ABCA13: variants seen among roughly 807,000 people sequenced by gnomAD.
ABCA13 encodes the protein ATP-binding cassette sub-family A member 13.
Under a neutral mutation model 478.7 loss-of-function variants are expected in ABCA13, and 476 were observed. The observed-to-expected ratio is 0.99, with a 90% CI of 0.92 to 1.07. The LOEUF (loss-of-function observed/expected upper bound fraction) is 1.07, where lower values mean the gene tolerates loss of function less well. Ranked by LOEUF, ABCA13 falls within the 50% of genes least tolerant of loss-of-function variation. The probability of loss-of-function intolerance (pLI) is 0.00; values close to 1 mark genes in which losing one functional copy is unlikely to be tolerated. For missense variants in ABCA13, 6,060 were observed against 5,910.6 expected (o/e 1.03, Z -0.83); for synonymous variants, 2,252 against 2,158.9 (o/e 1.04, Z -1.20).
chr7:48,393,904 C>T (rs1816443302), intron 38 of ABCA13, among the ~76,000 whole-genome samples: 1 of 152,188 alleles, frequency 6.6e-6, no homozygotes, highest in Non-Finnish European at 1.5e-5. Flanking sequence ...TGTAGAGATG[C>T]CAGGGCTGCA....
intron 19 of ABCA13, among the ~76,000 whole-genome samples, chr7:48,285,000 G>C (rs1273520503): frequency 6.6e-6 from 1 of 152,164 alleles, no homozygotes; most frequent in East Asian, 1.9e-4. Context: ...GTATCTCCAG[G>C]AGGAAAGTGA....
intron 48 of ABCA13, among the ~76,000 whole-genome samples, chr7:48,490,416 T>A (rs1477324902): frequency 2.0e-5 from 3 of 152,226 alleles, no homozygotes; most frequent in African/African-American, 4.8e-5. Context: ...ACATCGCCTA[T>A]CAGCTGTGGC....
chr7:48,192,872 G>T, intron 1 of ABCA13, 87 bp from the exon 2 acceptor site: 1 of 1,003,490 alleles, frequency 1.0e-6, no homozygotes, highest in Non-Finnish European at 1.5e-6. Flanking sequence ...ACACAGCAGG[G>T]ATTAAAATGA....
chr7:48,393,342 G>T (rs1333328229), intron 38 of ABCA13, among the ~76,000 whole-genome samples: 1 of 152,208 alleles, frequency 6.6e-6, no homozygotes, highest in Non-Finnish European at 1.5e-5. Context: ...GGCCTCCTGG[G>T]GCTAGTGCTG....
At chr7:48,293,958 C>T (rs560274300) in intron 20 of ABCA13, among the ~76,000 whole-genome samples, 1 of 152,226 alleles carries the variant, frequency 6.6e-6, no homozygotes, top group South Asian at 2.1e-4. Context: ...GTACTGCTGA[C>T]CTTCAGAGCA....
At chr7:48,568,446 CTT>C (rs1362052216) in intron 55 of ABCA13, among the ~76,000 whole-genome samples, 1 of 151,998 alleles carries the variant, frequency 6.6e-6, no homozygotes, top group Admixed American at 6.6e-5. Flanking sequence ...ATTAAACTAA[CTT>C]TGCATTCCTG....
At chr7:48,613,399 A>T (rs992843251) in intron 58 of ABCA13, among the ~76,000 whole-genome samples, 2 of 152,224 alleles carry the variant, frequency 1.3e-5, no homozygotes, top group East Asian at 3.9e-4. Context: ...CATGTTGGCT[A>T]GGCTGGTCTC....
At chr7:48,177,967 C>T (rs1198115571) in intron 1 of ABCA13, among the ~76,000 whole-genome samples, 1 of 152,144 alleles carries the variant, frequency 6.6e-6, no homozygotes, top group African/African-American at 2.4e-5. Context: ...CTCAGGTTTG[C>T]TAAGAGCAGT....
chr7:48,516,497 A>G (rs531972435), intron 51 of ABCA13, among the ~76,000 whole-genome samples: 1 of 152,196 alleles, frequency 6.6e-6, no homozygotes, highest in East Asian at 1.9e-4. Flanking sequence ...TATTGCTGTA[A>G]TTGTTCTATT....
At chr7:48,547,707 C>G (rs1012951148) in intron 55 of ABCA13, among the ~76,000 whole-genome samples, 1 of 151,866 alleles carries the variant, frequency 6.6e-6, no homozygotes, top group South Asian at 2.1e-4. Flanking sequence ...TACAATCATT[C>G]TTTTCACTTT....
intron 41 of ABCA13, among the ~76,000 whole-genome samples, chr7:48,419,561 T>C (rs570466157): frequency 2.0e-5 from 3 of 152,140 alleles, no homozygotes; most frequent in Non-Finnish European, 4.4e-5. Context: ...GCCTCTGCAA[T>C]TTTTTAAATC....
intron 5 of ABCA13, among the ~76,000 whole-genome samples, chr7:48,222,183 C>T (rs1787465206): frequency 1.3e-5 from 2 of 152,300 alleles, no homozygotes. Flanking sequence ...AACAAACACT[C>T]ATCTTAACTT....
chr7:48,455,571 A>AC (rs1219484317), intron 43 of ABCA13, among the ~76,000 whole-genome samples: 2 of 151,340 alleles, frequency 1.3e-5, no homozygotes, highest in African/African-American at 4.9e-5. Context: ...GCAAGCTGTC[A>AC]CCCGCCGACC....
intron 56 of ABCA13, among the ~76,000 whole-genome samples, chr7:48,584,313 C>T (rs1000867190): frequency 6.6e-6 from 1 of 152,204 alleles, no homozygotes; most frequent in African/African-American, 2.4e-5. Flanking sequence ...AGCCTCACCA[C>T]TGTTAGTACA....
intron 24 of ABCA13, 82 bp downstream of exon 24, chr7:48,310,223 G>C: frequency 6.9e-7 from 1 of 1,454,322 alleles, no homozygotes; most frequent in Non-Finnish European, 9.3e-7. Context: ...AGTCCTAGGG[G>C]TGCGGCAGTG....
chr7:48,440,752 A>T (rs949595116), intron 42 of ABCA13, among the ~76,000 whole-genome samples: 1 of 151,892 alleles, frequency 6.6e-6, no homozygotes, highest in Non-Finnish European at 1.5e-5. Context: ...TATTATGCTT[A>T]TACATCTGTT....
At position 48,455,173 on chromosome 7, in the gene ABCA13, C is replaced by A. The variant is rs754301038; in HGVS notation, c.12702C>A (p.Val4234=). Residue 4234 remains valine (V), a synonymous_variant, in exon 43 of 62, where the codon GTC becomes GTA. Coordinates refer to ENST00000435803, the MANE Select transcript of ABCA13 (RefSeq NM_152701.5). ...CCCTCGCCGACCTGCTGCTGCCAGT[C>A]CTCTTCGTGGCCTTGGCCATGGGCT... ...KSTLADLLLP[V]LFVALAMGLF... 2 of 1,587,032 alleles carry A rather than the reference C, an allele frequency of 1.3e-6. No individual in the cohort carries two copies. The highest frequency in any genetic ancestry group is 1.3e-5 in the African/African-American group (1 of 74,162).
At chr7:48,265,340 A>T (rs1322612006) in intron 15 of ABCA13, among the ~76,000 whole-genome samples, 1 of 151,592 alleles carries the variant, frequency 6.6e-6, no homozygotes, top group Non-Finnish European at 1.5e-5. Flanking sequence ...TGGAATTTTA[A>T]CCAGGATTGA....
At chr7:48,396,613 A>T (rs1390076964) in intron 38 of ABCA13, among the ~76,000 whole-genome samples, 2 of 152,170 alleles carry the variant, frequency 1.3e-5, no homozygotes, top group African/African-American at 2.4e-5. Flanking sequence ...AGGCGGAGAG[A>T]GGGCAGATTC....
Sources: allele counts gnomAD v4.1 joint callset (sites outside exome capture counted in the v4.1 genomes callset), GRCh38; gene constraint gnomAD v4.1.1; transcripts MANE v1.5; gene names NCBI Gene and HGNC (gene_info 2026-07-23, HGNC 2026-07-21).